The following KAZN variants were observed in gnomAD, a reference collection of about 807,000 sequenced individuals.
KAZN encodes the protein kazrin, periplakin interacting protein, also known as kazrin.
KAZN carries 40 observed loss-of-function variants against 87.4 expected under a neutral mutation model. The ratio of observed to expected loss-of-function variants is 0.46; its 90% confidence interval spans 0.36 to 0.60. The LOEUF (loss-of-function observed/expected upper bound fraction) is 0.60, where lower values mean the gene tolerates loss of function less well. Ranked by LOEUF, KAZN falls within the 20% of genes least tolerant of loss-of-function variation. The pLI is 0.00. For synonymous variants in KAZN, 466 were observed against 458.3 expected, an observed-to-expected ratio of 1.02 and a Z score of -0.22; for missense variants, 898 against 1,073.9, an observed-to-expected ratio of 0.84 and a Z score of 2.29.
chr1:15,075,554 G>C (rs1479698161), intron 8 of KAZN, among the ~76,000 whole-genome samples: 1 of 152,180 alleles, frequency 6.6e-6, no homozygotes, highest in Admixed American at 6.5e-5. Flanking sequence ...TGAGGGCGCT[G>C]TCAGTGGTTC....
At chr1:14,725,030 G>A (rs1210970963) in intron 1 of KAZN, among the ~76,000 whole-genome samples, 1 of 152,204 alleles carries the variant, frequency 6.6e-6, no homozygotes, top group African/African-American at 2.4e-5. Context: ...GTGAAAAATC[G>A]GTGTAAACAG....
chr1:14,327,317 C>T (rs1452617210), intron 2 of KAZN, among the ~76,000 whole-genome samples: 2 of 152,100 alleles, frequency 1.3e-5, no homozygotes, highest in Non-Finnish European at 2.9e-5. Flanking sequence ...AAACCTCTGA[C>T]CACACACCTC....
intron 1 of KAZN, among the ~76,000 whole-genome samples, chr1:14,689,010 A>G (rs1641125754): frequency 6.6e-6 from 1 of 152,150 alleles, no homozygotes. Flanking sequence ...CCTGGACAAC[A>G]TGACAAAACC....
At chr1:14,486,318 G>A (rs1669348644) in intron 2 of KAZN, among the ~76,000 whole-genome samples, 1 of 152,140 alleles carries the variant, frequency 6.6e-6, no homozygotes, top group Non-Finnish European at 1.5e-5. Context: ...CCAACTCTCA[G>A]TTAAGACCAA....
intron 1 of KAZN, among the ~76,000 whole-genome samples, chr1:13,929,047 C>CTTTTTTTT (rs33984927): frequency 3.4e-4 from 35 of 101,524 alleles, no homozygotes; most frequent in South Asian, 7.0e-4. Context: ...AGCTTCAAGG[C>CTTTTTTTT]TTTTTTTTTT....
chr1:15,024,547 T>C (rs942667444), intron 2 of KAZN, among the ~76,000 whole-genome samples: 3 of 152,150 alleles, frequency 2.0e-5, no homozygotes, highest in African/African-American at 7.2e-5. Flanking sequence ...AGAGGGCACA[T>C]GCCAAGTGCA....
At chr1:14,335,226 G>A (rs1250715125) in intron 2 of KAZN, among the ~76,000 whole-genome samples, 1 of 143,178 alleles carries the variant, frequency 7.0e-6, no homozygotes, top group Non-Finnish European at 1.5e-5. Context: ...TTTTGGAGAT[G>A]GAGTCTCGCT....
intron 1 of KAZN, among the ~76,000 whole-genome samples, chr1:14,010,459 A>C (rs903117399): frequency 6.6e-6 from 1 of 152,246 alleles, no homozygotes; most frequent in African/African-American, 2.4e-5. Context: ...GCGATGAAGC[A>C]GTCCGGTATG....
chr1:14,989,774 A>G (rs1164017505), intron 2 of KAZN, among the ~76,000 whole-genome samples: 4 of 152,144 alleles, frequency 2.6e-5, no homozygotes, highest in African/African-American at 7.2e-5. Flanking sequence ...AGTGCTGACC[A>G]TCCACCTCCT....
At chr1:14,002,367 T>TC (rs1639833210) in intron 1 of KAZN, among the ~76,000 whole-genome samples, 2 of 152,208 alleles carry the variant, frequency 1.3e-5, no homozygotes, top group African/African-American at 4.8e-5. Context: ...GGTAATTGAA[T>TC]CATGGGGACT....
intron 1 of KAZN, among the ~76,000 whole-genome samples, chr1:14,010,519 A>G (rs10465640): frequency 0.74 from 111,975 of 152,140 alleles, 41,624 homozygotes; most frequent in South Asian, 0.84. Context: ...TCAACTCACC[A>G]TCCAAGTCTT....
At chr1:14,573,923 A>G (rs6703840) in intron 2 of KAZN, among the ~76,000 whole-genome samples, 41,260 of 152,006 alleles carry the variant, frequency 0.27, 6,364 homozygotes, top group African/African-American at 0.41. Context: ...TATGTTACCA[A>G]TGCCAGAGGT....
chr1:14,547,920 C>T (rs1673262237), intron 2 of KAZN, among the ~76,000 whole-genome samples: 1 of 151,752 alleles, frequency 6.6e-6, no homozygotes, highest in African/African-American at 2.4e-5. Flanking sequence ...GCAACCACTA[C>T]CAAAGTTAGG....
At chr1:14,168,122 C>T (rs939543786) in intron 1 of KAZN, among the ~76,000 whole-genome samples, 3 of 152,156 alleles carry the variant, frequency 2.0e-5, no homozygotes, top group Admixed American at 6.5e-5. Flanking sequence ...CAGTCTTTAC[C>T]GGACAACGAC....
intron 1 of KAZN, among the ~76,000 whole-genome samples, chr1:14,097,264 A>G (rs1413771573): frequency 1.3e-5 from 2 of 152,266 alleles, no homozygotes; most frequent in Non-Finnish European, 2.9e-5. Flanking sequence ...AGCTATTGCC[A>G]TAGTCCAGAG....
intron 1 of KAZN, among the ~76,000 whole-genome samples, chr1:14,875,666 T>C (rs1201576648): frequency 6.6e-6 from 1 of 152,166 alleles, no homozygotes; most frequent in Non-Finnish European, 1.5e-5. Context: ...TCAGGAATGT[T>C]ATAAGCCTCA....
At chr1:14,607,098 G>A (rs1677431054) in intron 1 of KAZN, among the ~76,000 whole-genome samples, 2 of 152,182 alleles carry the variant, frequency 1.3e-5, no homozygotes, top group Non-Finnish European at 2.9e-5. Context: ...ATGGATGGAT[G>A]GGTGAATACT....
intron 1 of KAZN, among the ~76,000 whole-genome samples, chr1:14,078,503 A>G (rs78395055): frequency 0.017 from 2,573 of 152,362 alleles, 74 homozygotes; most frequent in African/African-American, 0.058. Flanking sequence ...GCTAAATAAC[A>G]TAAAGTAGGG....
intron 2 of KAZN, among the ~76,000 whole-genome samples, chr1:14,418,429 CT>C (rs1665019754): frequency 6.6e-6 from 1 of 152,168 alleles, no homozygotes. Context: ...GTGGCCACTA[CT>C]TTTATTATTA....
Sources: allele counts gnomAD v4.1 joint callset (sites outside exome capture counted in the v4.1 genomes callset), GRCh38; gene constraint gnomAD v4.1.1; transcripts MANE v1.5; gene names NCBI Gene and HGNC (gene_info 2026-07-23, HGNC 2026-07-21).